Variants in CLHC1 observed in about 807,000 individuals in gnomAD.
The protein encoded by CLHC1 is clathrin heavy chain linker domain containing 1.
Under a neutral mutation model 69.5 loss-of-function variants are expected in CLHC1, and 72 were observed. The observed-to-expected ratio is 1.04, with a 90% CI of 0.86 to 1.26. The LOEUF is 1.26. Among genes scored for constraint, CLHC1 ranks in the 50% most tolerant of loss-of-function variants. The pLI, the probability that CLHC1 is intolerant of heterozygous loss-of-function variation, is 0.00. For synonymous variants in CLHC1, 223 were observed against 224.3 expected, an observed-to-expected ratio of 0.99 and a Z score of 0.05; for missense variants, 790 against 679.3, an observed-to-expected ratio of 1.16 and a Z score of -1.81.
chr2:55,187,116 C>A (rs533122046), intron 9 of CLHC1, among the ~76,000 whole-genome samples: 6 of 150,646 alleles, frequency 4.0e-5, no homozygotes, highest in Admixed American at 6.6e-5. Context: ...AAAACAACAA[C>A]AAAAAAATAA....
In CLHC1 at chr2:55,174,723, T is replaced by G. The variant is rs764847000; in HGVS notation, c.*1067A>C. On this transcript the variant is annotated 3_prime_UTR_variant, in exon 13 of 13. Coordinates refer to ENST00000401408, the MANE Select transcript of CLHC1 (RefSeq NM_152385.4). ...TTTAAATTTAGGATGGGAAAAGTTATGCTCTTTGCTCTTATTCTAATAGCA... is the reference window on the plus strand; with the variant it reads ...TTTAAATTTAGGATGGGAAAAGTTAGGCTCTTTGCTCTTATTCTAATAGCA... 2 of 152,254 alleles carry G rather than the reference T, an allele frequency of 1.3e-5. No homozygotes were observed. Among genetic ancestry groups the G allele is most frequent in the Non-Finnish European group, 2.9e-5 (2 of 68,042 alleles). 9.4% of individuals were successfully genotyped at this position (152,254 alleles called of 1,614,324 possible).
chr2:55,180,400 A>G, intron 11 of CLHC1, 110 bp downstream of exon 11: 1 of 722,764 alleles, frequency 1.4e-6, no homozygotes, highest in Non-Finnish European at 2.3e-6. Flanking sequence ...ATTGGTATAT[A>G]TAAAATTGAT....
chr2:55,191,109 T>A (rs1405259967), intron 9 of CLHC1, among the ~76,000 whole-genome samples: 2 of 152,232 alleles, frequency 1.3e-5, no homozygotes, highest in Non-Finnish European at 2.9e-5. Context: ...TAGCATTCTA[T>A]ACCTAGTAAA....
chr2:55,211,178 C>T (rs6719579), intron 5 of CLHC1, among the ~76,000 whole-genome samples: 148,804 of 152,266 alleles, frequency 0.98, 72,746 homozygotes, highest in African/African-American at 0.99. Flanking sequence ...GTATCTTATT[C>T]GTCATTTGCT....
At chr2:55,208,831 T>G in intron 7 of CLHC1, 121 bp from the exon 8 acceptor site, 1 of 571,264 alleles carries the variant, frequency 1.8e-6, no homozygotes, top group Non-Finnish European at 3.1e-6. Context: ...CAGCAACCTC[T>G]TCCTAAACTT....
rs1451475905 is a variant in CLHC1 at position 55,209,718 on chromosome 2, G to C, written c.613C>G (p.Gln205Glu). ...QAMLIKYVPA[Q>E]RKADLDEEMI... ...TCTTCATCTAAATCAGCCTTCCTCT[G>C]AGCTGGCACATATTTTATCAACATA... The change falls in exon 6 of 13, where the codon CAG becomes GAG. Residue 205 changes from glutamine (Q) to glutamate (E), a missense_variant. Gln to Glu is a conservative substitution (Grantham distance 29). Transcript: ENST00000401408. The C allele has an allele frequency of 6.8e-6, 11 of 1,613,572 alleles. No homozygotes were observed. Among genetic ancestry groups the C allele is most frequent in the Non-Finnish European group, 8.5e-6 (10 of 1,179,750 alleles).
intron 9 of CLHC1, among the ~76,000 whole-genome samples, chr2:55,187,095 C>A (rs1670485280): frequency 6.6e-6 from 1 of 150,982 alleles, no homozygotes; most frequent in Non-Finnish European, 1.5e-5. Context: ...GGTGAAACCC[C>A]GTTTCTACTA....
At chr2:55,215,331 C>A (rs1673395230) in intron 4 of CLHC1, among the ~76,000 whole-genome samples, 1 of 152,126 alleles carries the variant, frequency 6.6e-6, no homozygotes, top group African/African-American at 2.4e-5. Flanking sequence ...GTCTTTGTCC[C>A]ATATTCTCTT....
chr2:55,204,583 G>T (rs1360828774), intron 9 of CLHC1, among the ~76,000 whole-genome samples: 1 of 152,064 alleles, frequency 6.6e-6, no homozygotes, highest in Non-Finnish European at 1.5e-5. Context: ...GAAAACTTGG[G>T]TTACCATATG....
chr2:55,231,150 T>G (rs542889807), intron 1 of CLHC1, among the ~76,000 whole-genome samples: 18 of 151,432 alleles, frequency 1.2e-4, no homozygotes, highest in Middle Eastern at 3.4e-3. Context: ...CTCGGGAGGC[T>G]GAGGCAGAAG....
intron 4 of CLHC1, among the ~76,000 whole-genome samples, chr2:55,216,667 G>A (rs183882051): frequency 7.1e-4 from 107 of 151,602 alleles, no homozygotes; most frequent in African/African-American, 2.5e-3. Context: ...CCAAGCAACT[G>A]GGACCACACC....
In CLHC1 at chr2:55,193,016, G is replaced by A. The variant is rs56331847; in HGVS notation, c.1007-11272C>T. Among the ~76,000 whole-genome samples, 214 of 149,428 alleles carry A rather than the reference G, an allele frequency of 1.4e-3. 1 individual carries two copies. The highest frequency in any genetic ancestry group is 3.4e-3 in the Middle Eastern group (1 of 290). On this transcript the variant is annotated intron_variant, in intron 9 of 12. Coordinates refer to ENST00000401408, the MANE Select transcript of CLHC1 (RefSeq NM_152385.4). ...AGCGATTCTCCTGCCTCAGCCTCCC[G>A]AGTAGCTGGGATTCCAGGTACCCGC...
intron 4 of CLHC1, among the ~76,000 whole-genome samples, chr2:55,217,545 AAAAAAAAATATATATATATAT>A (rs1221163580): frequency 3.7e-5 from 3 of 81,152 alleles, no homozygotes; most frequent in African/African-American, 1.9e-4. Context: ...AAAAAAAAAA[AAAAAAAAATATATATATATAT>A]ATATATATAT....
chr2:55,213,723 A>C (rs889627521), intron 4 of CLHC1, among the ~76,000 whole-genome samples: 3 of 152,234 alleles, frequency 2.0e-5, no homozygotes, highest in African/African-American at 7.2e-5. Flanking sequence ...AACATATTAA[A>C]ATACACACAG....
intron 4 of CLHC1, among the ~76,000 whole-genome samples, chr2:55,213,412 A>ATTTAGGGCTTACT (rs1673193898): frequency 6.6e-6 from 1 of 152,202 alleles, no homozygotes; most frequent in Admixed American, 6.5e-5. Flanking sequence ...TTATGATCAT[A>ATTTAGGGCTTACT]TTTAGGGCTT....
intron 2 of CLHC1, among the ~76,000 whole-genome samples, chr2:55,226,577 C>T (rs142487725): frequency 6.6e-6 from 1 of 152,144 alleles, no homozygotes; most frequent in Non-Finnish European, 1.5e-5. Context: ...AAAGCTTACA[C>T]AGTATTTCAT....
chr2:55,180,323 C>T (rs6715694), intron 11 of CLHC1, among the ~76,000 whole-genome samples, 187 bp downstream of exon 11: 146,374 of 152,186 alleles, frequency 0.96, 70,435 homozygotes, highest in Admixed American at 0.98. Flanking sequence ...TTTGAATATC[C>T]AGCATGAAAG....
chr2:55,184,109 T>TA (rs1171770087), intron 9 of CLHC1, among the ~76,000 whole-genome samples: 3 of 146,740 alleles, frequency 2.0e-5, no homozygotes, highest in African/African-American at 7.6e-5. Flanking sequence ...TTTCTTTATT[T>TA]TTTTTTTTTT....
Position 55,184,957 on chromosome 2 carries a change from CACACAA to C in CLHC1, c.1007-3219_1007-3214del, listed in dbSNP as rs1304281055. Among the ~76,000 whole-genome samples, 311 of 148,492 alleles carry C rather than the reference CACACAA, an allele frequency of 2.1e-3. 2 individuals are homozygous for C. The highest frequency in any genetic ancestry group is 3.9e-3 in the East Asian group (20 of 5,096). The stretch of plus-strand genomic sequence containing the variant: ...ACACACACACACACACACACACACA[CACACAA>C]AGATTTCCTATACCTACTATAGATT... On this transcript the variant is annotated intron_variant, in intron 9 of 12. Coordinates refer to ENST00000401408, the MANE Select transcript of CLHC1 (RefSeq NM_152385.4).
Sources: allele counts gnomAD v4.1 joint callset (sites outside exome capture counted in the v4.1 genomes callset), GRCh38; gene constraint gnomAD v4.1.1; transcripts MANE v1.5; gene names NCBI Gene and HGNC (gene_info 2026-07-23, HGNC 2026-07-21).